RUNDC3B: variants seen among roughly 807,000 people sequenced by gnomAD.
RUNDC3B encodes the protein RUN domain containing 3B.
Under a neutral mutation model 58.4 loss-of-function variants are expected in RUNDC3B, and 33 were observed. That is an observed-to-expected ratio of 0.56 (90% confidence interval 0.43 to 0.75). The LOEUF is 0.75. Among genes scored for constraint, RUNDC3B ranks in the 30% least tolerant of loss-of-function variants. RUNDC3B has a pLI of 0.00. For missense variants in RUNDC3B, 501 were observed against 535.7 expected (o/e 0.94, Z 0.64); for synonymous variants, 193 against 195.2 (o/e 0.99, Z 0.10).
chr7:87,660,713 A>T (rs1431676797), intron 2 of RUNDC3B, among the ~76,000 whole-genome samples: 1 of 151,680 alleles, frequency 6.6e-6, no homozygotes, highest in Non-Finnish European at 1.5e-5. Context: ...TAATTTTCAA[A>T]TTTTTCTCCA....
intron 1 of RUNDC3B, among the ~76,000 whole-genome samples, chr7:87,647,585 C>A (rs1325355194): frequency 6.6e-6 from 1 of 152,108 alleles, no homozygotes; most frequent in Admixed American, 6.5e-5. Flanking sequence ...TAAATGCAGG[C>A]AGTTCTTACT....
chr7:87,659,305 T>TTCTG (rs1824456348), intron 2 of RUNDC3B: 1 of 362,254 alleles, frequency 2.8e-6, no homozygotes, highest in Non-Finnish European at 5.4e-6. Flanking sequence ...GTTTTCTTTT[T>TTCTG]TCTGTCTTCT....
chr7:87,775,489 AG>A (rs1834570493), intron 7 of RUNDC3B, among the ~76,000 whole-genome samples: 1 of 152,194 alleles, frequency 6.6e-6, no homozygotes, highest in South Asian at 2.1e-4. Flanking sequence ...TTATTACTGA[AG>A]AAAGAAAACT....
chr7:87,679,556 AT>A (rs1826720901), intron 2 of RUNDC3B, among the ~76,000 whole-genome samples: 1 of 149,824 alleles, frequency 6.7e-6, no homozygotes, highest in South Asian at 2.1e-4. Context: ...CACCCAGCTA[AT>A]TTTTTGATTT....
chr7:87,755,614 C>G (rs952192126), intron 6 of RUNDC3B, among the ~76,000 whole-genome samples: 1 of 152,096 alleles, frequency 6.6e-6, no homozygotes, highest in Non-Finnish European at 1.5e-5. Context: ...TAAATAAAGA[C>G]AAAAACCAAT....
intron 1 of RUNDC3B, chr7:87,629,332 T>C (rs945873266): frequency 5.7e-6 from 1 of 175,884 alleles, no homozygotes; most frequent in Non-Finnish European, 1.2e-5. Context: ...TTGTTTACTG[T>C]GTTGCCCCCA....
chr7:87,673,436 T>C (rs756828533), intron 2 of RUNDC3B, among the ~76,000 whole-genome samples: 2 of 152,226 alleles, frequency 1.3e-5, no homozygotes, highest in Admixed American at 1.3e-4. Flanking sequence ...TTTTTTCTTT[T>C]TCTGACTGAG....
intron 3 of RUNDC3B, among the ~76,000 whole-genome samples, chr7:87,703,914 G>GTTTTTTTTTTTTTTTTTTTTTTTTTTTTT (rs35797972): frequency 1.4e-4 from 6 of 42,976 alleles, no homozygotes; most frequent in Non-Finnish European, 2.5e-4. Flanking sequence ...TTTTTTTTTG[G>GTTTTTTTTTTTTTTTTTTTTTTTTTTTTT]TTTTTTTTTT....
intron 10 of RUNDC3B, 115 bp from the exon 11 acceptor site, chr7:87,829,770 G>A: frequency 1.5e-6 from 1 of 675,074 alleles, no homozygotes; most frequent in Non-Finnish European, 2.4e-6. Flanking sequence ...GGTTTCTTTG[G>A]GCAGTATGGT....
chr7:87,813,689 T>A (rs1836851325), intron 9 of RUNDC3B, among the ~76,000 whole-genome samples: 1 of 151,956 alleles, frequency 6.6e-6, no homozygotes, highest in Admixed American at 6.6e-5. Flanking sequence ...CTAAAAGAGG[T>A]AAGATTTTGG....
chr7:87,746,410 AC>A (rs1019202935), intron 6 of RUNDC3B, among the ~76,000 whole-genome samples: 2 of 151,956 alleles, frequency 1.3e-5, no homozygotes, highest in African/African-American at 2.4e-5. Flanking sequence ...AGTGAAGCCC[AC>A]CCACCCACAG....
intron 6 of RUNDC3B, among the ~76,000 whole-genome samples, chr7:87,751,134 G>A (rs1460510327): frequency 6.6e-6 from 1 of 152,140 alleles, no homozygotes; most frequent in African/African-American, 2.4e-5. Flanking sequence ...TATTAAATAG[G>A]GAATCCTTTC....
chr7:87,672,706 C>A (rs1825951993), intron 2 of RUNDC3B, among the ~76,000 whole-genome samples: 1 of 152,158 alleles, frequency 6.6e-6, no homozygotes, highest in African/African-American at 2.4e-5. Flanking sequence ...GGAATGGGTT[C>A]ACAAGGAGAT....
At chr7:87,734,011 G>A (rs75764177) in intron 4 of RUNDC3B, among the ~76,000 whole-genome samples, 62 of 152,140 alleles carry the variant, frequency 4.1e-4, no homozygotes, top group Non-Finnish European at 7.8e-4. Flanking sequence ...TTCTCCAAGG[G>A]GGGTATACAG....
At chr7:87,760,519 T>G (rs1000710369) in intron 6 of RUNDC3B, among the ~76,000 whole-genome samples, 3 of 152,034 alleles carry the variant, frequency 2.0e-5, no homozygotes, top group Non-Finnish European at 4.4e-5. Flanking sequence ...GGACTCTAAA[T>G]AGCCAAAACA....
intron 8 of RUNDC3B, among the ~76,000 whole-genome samples, chr7:87,780,452 A>G (rs1584190126): frequency 6.7e-6 from 1 of 148,222 alleles, no homozygotes; most frequent in East Asian, 1.9e-4. Flanking sequence ...TACTGGGGTT[A>G]TTTGTTTTTT....
At chr7:87,671,196 A>G (rs1229725462) in intron 2 of RUNDC3B, among the ~76,000 whole-genome samples, 1 of 152,058 alleles carries the variant, frequency 6.6e-6, no homozygotes, top group African/African-American at 2.4e-5. Flanking sequence ...GACCTGTGGG[A>G]GACGTACTGG....
At chr7:87,676,275 A>G (rs961533712) in intron 2 of RUNDC3B, among the ~76,000 whole-genome samples, 3 of 152,186 alleles carry the variant, frequency 2.0e-5, no homozygotes, top group African/African-American at 7.2e-5. Context: ...CAAAGGAAAC[A>G]ATCCACAAAA....
intron 1 of RUNDC3B, chr7:87,629,244 G>A (rs1049515585): frequency 6.5e-6 from 2 of 309,806 alleles, no homozygotes; most frequent in Admixed American, 1.0e-4. Flanking sequence ...TGAAAGAGGA[G>A]GGCAAGGAAG....
Sources: allele counts gnomAD v4.1 joint callset (sites outside exome capture counted in the v4.1 genomes callset), GRCh38; gene constraint gnomAD v4.1.1; transcripts MANE v1.5; gene names NCBI Gene and HGNC (gene_info 2026-07-23, HGNC 2026-07-21).